NUDT6: variants seen among roughly 807,000 people sequenced by gnomAD.
NUDT6 encodes FAD diphosphatase NUDT6.
In NUDT6, 24 loss-of-function variants were observed where a neutral mutation model predicts 36.8. The observed-to-expected ratio is 0.65, with a 90% CI of 0.47 to 0.92. The LOEUF (loss-of-function observed/expected upper bound fraction) is 0.92. NUDT6 is among the 40% of genes least tolerant of loss of function. NUDT6 has a pLI of 0.00. For missense variants in NUDT6, 388 were observed against 392.8 expected (o/e 0.99, Z 0.10); for synonymous variants, 163 against 157.0 (o/e 1.04, Z -0.29).
intron 3 of NUDT6, among the ~76,000 whole-genome samples, chr4:122,909,525 T>A (rs943384404): frequency 1.6e-4 from 24 of 152,262 alleles, no homozygotes; most frequent in African/African-American, 5.5e-4. Context: ...CCTCATAAAC[T>A]AGGATCAGGA....
At chr4:122,893,347 GT>G (rs1727249110) in intron 4 of NUDT6, 122 bp from the exon 5 acceptor site, 1 of 893,412 alleles carries the variant, frequency 1.1e-6, no homozygotes, top group Non-Finnish European at 1.6e-6. Flanking sequence ...ACAAAGTAAA[GT>G]TTTCAATACA....
At chr4:122,901,938 A>G (rs1727531823) in intron 3 of NUDT6, among the ~76,000 whole-genome samples, 2 of 152,174 alleles carry the variant, frequency 1.3e-5, no homozygotes. Context: ...AAGGGCACAG[A>G]CCTGCTAGCC....
Position 122,914,112 on chromosome 4 carries a change from C to T in NUDT6, c.443-1489G>A, listed in dbSNP as rs113251075. Among the ~76,000 whole-genome samples the T allele has an allele frequency of 6.8e-3, 1,031 of 151,784 alleles. 14 individuals carry two copies. The highest frequency in any genetic ancestry group is 0.023 in the African/African-American group (949 of 41,360). ...ACATTCTGGTATGTGTGTGGGGAGG[C>T]GCCAAAACAAACAAAAAATAAATTA... On this transcript the variant is annotated intron_variant, in intron 2 of 4. Transcript: ENST00000304430.
chr4:122,911,368 G>A (rs1421747267), intron 3 of NUDT6, among the ~76,000 whole-genome samples: 4 of 152,120 alleles, frequency 2.6e-5, no homozygotes, highest in African/African-American at 4.8e-5. Context: ...AAACTCATCT[G>A]CCTGGTTCTC....
chr4:122,917,703 A>G lies in NUDT6; in HGVS notation c.240T>C (p.Ala80=), dbSNP rs1397390696. ...DAAAFQKGLQ[A]AVQQWRSEGR... ...CTTCTGATCGCCATTGCTGTACTGC[A>G]GCTAAATGCAGAAGAAAAAAGTCTA... The change falls in exon 2 of 5, where the codon GCT becomes GCC. Residue 80 remains alanine (A), a splice_region_variant and synonymous_variant. Transcript: ENST00000304430. 1.2e-6 allele frequency: 2 copies of G among 1,613,446 alleles called. No individual in the cohort carries two copies. The highest frequency in any genetic ancestry group is 1.7e-5 in the Admixed American group (1 of 59,944).
At chr4:122,915,288 G>A (rs1051195999) in intron 2 of NUDT6, among the ~76,000 whole-genome samples, 1 of 151,778 alleles carries the variant, frequency 6.6e-6, no homozygotes, top group African/African-American at 2.4e-5. Context: ...TGGGCAACAT[G>A]GCGAAACCCT....
chr4:122,912,521 A>C, intron 3 of NUDT6, 47 bp downstream of exon 3: 1 of 1,294,140 alleles, frequency 7.7e-7, no homozygotes, highest in East Asian at 2.3e-5. Flanking sequence ...CTTCTCTAGA[A>C]AGAAATAAAC....
At chr4:122,916,103 T>C (rs558335855) in intron 2 of NUDT6, among the ~76,000 whole-genome samples, 1 of 152,346 alleles carries the variant, frequency 6.6e-6, no homozygotes, top group South Asian at 2.1e-4. Flanking sequence ...AGGGTAGTAC[T>C]GAGACCACCA....
chr4:122,903,229 G>C (rs1560768844), intron 3 of NUDT6, among the ~76,000 whole-genome samples: 1 of 152,106 alleles, frequency 6.6e-6, no homozygotes, highest in East Asian at 1.9e-4. Flanking sequence ...ACTTAGGAGT[G>C]TCATTCCTAC....
intron 3 of NUDT6, among the ~76,000 whole-genome samples, chr4:122,904,706 G>A (rs1009125180): frequency 2.6e-5 from 4 of 152,022 alleles, no homozygotes; most frequent in Non-Finnish European, 4.4e-5. Context: ...TGCCTGCCTC[G>A]GCCTCCCAAA....
chr4:122,896,819 AT>A (rs947367640), intron 4 of NUDT6: 4 of 152,196 alleles, frequency 2.6e-5, no homozygotes, highest in African/African-American at 9.6e-5. Flanking sequence ...CCTTAATATC[AT>A]TGTTGGCTAA....
chr4:122,910,526 C>T (rs1727712755), intron 3 of NUDT6, among the ~76,000 whole-genome samples: 1 of 152,210 alleles, frequency 6.6e-6, no homozygotes. Flanking sequence ...ATCATGTTAT[C>T]TGGCTGTCTT....
chr4:122,906,538 G>A (rs1425233377), intron 3 of NUDT6, among the ~76,000 whole-genome samples: 1 of 152,140 alleles, frequency 6.6e-6, no homozygotes, highest in African/African-American at 2.4e-5. Flanking sequence ...TGGAAAGTAG[G>A]AAGTGTCACG....
Position 122,922,486 on chromosome 4 carries a change from G to C in NUDT6, c.87C>G (p.Ala29=). The change falls in exon 1 of 5, where the codon GCC becomes GCG. Residue 29 remains alanine (A), a synonymous_variant. Coordinates refer to ENST00000304430, the MANE Select transcript of NUDT6 (RefSeq NM_007083.5). The stretch of plus-strand genomic sequence containing the variant: ...TCCGCACGTAACCCTGTGCGCCCGA[G>C]GCCCAGCGGTAACCCGCCGAAGGCC... ...GPGPSAGYRW[A]SGAQGYVRNP... is the part of the protein sequence containing the mutation. 6.2e-7 allele frequency: 1 copy of C among 1,611,332 alleles called. No individual in the cohort carries two copies. The highest frequency in any genetic ancestry group is 8.5e-7 in the Non-Finnish European group (1 of 1,179,794).
intron 3 of NUDT6, among the ~76,000 whole-genome samples, chr4:122,911,212 G>T (rs2150806913): frequency 6.6e-6 from 1 of 152,204 alleles, no homozygotes; most frequent in Middle Eastern, 3.4e-3. Context: ...AGTCCATTTT[G>T]TTCATATCAG....
chr4:122,906,594 G>A (rs930448642), intron 3 of NUDT6, among the ~76,000 whole-genome samples: 1 of 152,156 alleles, frequency 6.6e-6, no homozygotes. Context: ...GAGGATAGGA[G>A]ATGCCCCTAT....
intron 1 of NUDT6, chr4:122,918,809 TTGTC>T (rs1447408776): frequency 1.3e-5 from 2 of 152,206 alleles, no homozygotes; most frequent in Non-Finnish European, 2.9e-5. Flanking sequence ...CTTGCTCTCT[TTGTC>T]TGATGACATC....
upstream of NUDT6, chr4:122,922,940 A>T: frequency 3.2e-6 from 2 of 625,668 alleles, no homozygotes; most frequent in Non-Finnish European, 5.6e-6. Flanking sequence ...TCTTTCACAG[A>T]TGCCGTTACA....
At chr4:122,911,938 T>G (rs1033298180) in intron 3 of NUDT6, among the ~76,000 whole-genome samples, 2 of 152,224 alleles carry the variant, frequency 1.3e-5, no homozygotes, top group Non-Finnish European at 2.9e-5. Context: ...TGGGCCACAC[T>G]GAACTTTTTA....
Sources: allele counts gnomAD v4.1 joint callset (sites outside exome capture counted in the v4.1 genomes callset), GRCh38; gene constraint gnomAD v4.1.1; transcripts MANE v1.5; gene names NCBI Gene and HGNC (gene_info 2026-07-23, HGNC 2026-07-21).